Variants in COL25A1 observed in about 807,000 individuals in gnomAD.
COL25A1 encodes collagen type XXV alpha 1 chain, also known as collagen alpha-1(XXV) chain.
COL25A1 carries 103 observed loss-of-function variants against 128.4 expected under a neutral mutation model. The ratio of observed to expected loss-of-function variants is 0.80; its 90% CI spans 0.68 to 0.94. The LOEUF (loss-of-function observed/expected upper bound fraction) is 0.94. Ranked by LOEUF, COL25A1 falls within the 40% of genes least tolerant of loss-of-function variation. The probability of loss-of-function intolerance (pLI) is 0.00; values close to 1 mark genes in which losing one functional copy is unlikely to be tolerated. For missense variants in COL25A1, 745 were observed against 840.0 expected, an observed-to-expected ratio of 0.89 and a Z score of 1.40; for synonymous variants, 279 against 277.2, an observed-to-expected ratio of 1.01 and a Z score of -0.06.
intron 3 of COL25A1, among the ~76,000 whole-genome samples, chr4:109,075,037 A>G (rs1313040674): frequency 6.6e-6 from 1 of 152,196 alleles, no homozygotes; most frequent in Non-Finnish European, 1.5e-5. Context: ...AATTTCACCA[A>G]AATAGGTTAT....
At chr4:109,256,496 T>A (rs143343435) in intron 3 of COL25A1, among the ~76,000 whole-genome samples, 1 of 152,188 alleles carries the variant, frequency 6.6e-6, no homozygotes, top group Non-Finnish European at 1.5e-5. Flanking sequence ...AAGGGTTTTT[T>A]AATTTATTTT....
At chr4:109,136,328 G>A (rs562059808) in intron 3 of COL25A1, among the ~76,000 whole-genome samples, 5 of 152,264 alleles carry the variant, frequency 3.3e-5, no homozygotes, top group South Asian at 2.1e-4. Flanking sequence ...AAGCCTGGGA[G>A]GCGGAGGTTG....
At chr4:108,973,144 G>A (rs1163418569) in intron 8 of COL25A1, among the ~76,000 whole-genome samples, 1 of 152,188 alleles carries the variant, frequency 6.6e-6, no homozygotes, top group Non-Finnish European at 1.5e-5. Flanking sequence ...GACATGTCAT[G>A]TGAAATAATC....
chr4:109,107,035 T>C lies in COL25A1; in HGVS notation c.368-56856A>G, dbSNP rs540861195. On this transcript the variant is annotated intron_variant, in intron 3 of 37. Coordinates refer to ENST00000399132, the MANE Select transcript of COL25A1 (RefSeq NM_198721.4). ...TCTTCCTCCTCAGCCTCCCGAAGTG[T>C]TGGGATTACAGGCATGAGCCACACG... Among the ~76,000 whole-genome samples, 5 of 152,284 alleles carry C rather than the reference T, an allele frequency of 3.3e-5. No homozygotes were observed. In the South Asian group the frequency reaches 6.2e-4, roughly 19 times the overall value.
Position 108,860,934 on chromosome 4 carries a change from C to T in COL25A1, c.1235G>A (p.Gly412Glu), listed in dbSNP as rs757817829. 1 of 1,613,744 alleles carries T rather than the reference C, an allele frequency of 6.2e-7. No individual in the cohort carries two copies. The highest frequency in any genetic ancestry group is 8.5e-7 in the Non-Finnish European group (1 of 1,179,758). The stretch of plus-strand genomic sequence containing the variant: ...GATGAGAGGAACACTCACCCTTGGT[C>T]CCTGAGCTCCAGAGTCCCCTTTTTC... ...RGEKGDSGAQ[G>E]PRGPPGQKGD... The change falls in exon 23 of 38, where the codon GGA becomes GAA. Residue 412 changes from glycine (G) to glutamate (E), a missense_variant. Physicochemically the swap from Gly to Glu is moderately conservative, Grantham distance 98 (BLOSUM62 -2). Around this residue, in one of 3 missense-constraint regions of COL25A1, gnomAD observed 387 missense variants for 441.9 expected, o/e 0.88. Transcript: ENST00000399132.
intron 26 of COL25A1, among the ~76,000 whole-genome samples, chr4:108,850,988 G>C (rs1040600468): frequency 6.6e-6 from 1 of 152,072 alleles, no homozygotes; most frequent in Admixed American, 6.6e-5. Flanking sequence ...AATGAGATAT[G>C]TATTTAGCTT....
In COL25A1 at chr4:108,941,420, G is replaced by A. The variant is rs527482934; in HGVS notation, c.510C>T (p.Ile170=). Reference sequence around the variant, plus strand: ...GATCAGCAGAGAGAAACCCATGATTGATTTTAGGAAACACCATCTGATCAG... The same window carrying A: ...GATCAGCAGAGAGAAACCCATGATTAATTTTAGGAAACACCATCTGATCAG... ...DQGPRMVFPK[I]NHGFLSADQQ... is the part of the protein sequence containing the mutation. The change falls in exon 9 of 38, where the codon ATC becomes ATT. Residue 170 remains isoleucine, a synonymous_variant. Coordinates refer to ENST00000399132, the MANE Select transcript of COL25A1 (RefSeq NM_198721.4). The A allele has an allele frequency of 6.2e-7, 1 of 1,613,928 alleles. No homozygotes were observed.
intron 5 of COL25A1, among the ~76,000 whole-genome samples, chr4:109,033,926 A>G (rs1426109684): frequency 6.6e-6 from 1 of 152,182 alleles, no homozygotes. Flanking sequence ...ATTAAAAAAT[A>G]GATTCCCAAA....
intron 6 of COL25A1, among the ~76,000 whole-genome samples, chr4:109,009,940 C>T (rs577396478): frequency 7.6e-4 from 115 of 152,262 alleles, no homozygotes; most frequent in African/African-American, 2.6e-3. Flanking sequence ...CAATATCTGT[C>T]TATAATGAAT....
At chr4:109,074,115 G>T (rs1288130188) in intron 3 of COL25A1, among the ~76,000 whole-genome samples, 2 of 152,124 alleles carry the variant, frequency 1.3e-5, no homozygotes, top group Non-Finnish European at 2.9e-5. Flanking sequence ...ATGCAACCTA[G>T]ATCCCTCACA....
chr4:109,050,781 A>G (rs1760908448), intron 3 of COL25A1, among the ~76,000 whole-genome samples: 1 of 152,176 alleles, frequency 6.6e-6, no homozygotes, highest in Non-Finnish European at 1.5e-5. Flanking sequence ...TTAGGTAGTA[A>G]TTATAGGCCT....
intron 3 of COL25A1, among the ~76,000 whole-genome samples, chr4:109,183,183 A>G (rs1432105381): frequency 7.1e-6 from 1 of 139,990 alleles, no homozygotes; most frequent in East Asian, 1.9e-4. Flanking sequence ...AACACATTAA[A>G]GGAAATTTTA....
chr4:109,227,929 G>A (rs771166437), intron 3 of COL25A1, among the ~76,000 whole-genome samples: 2 of 152,098 alleles, frequency 1.3e-5, no homozygotes, highest in Non-Finnish European at 1.5e-5. Flanking sequence ...ACATTTGAAC[G>A]CCTCAGAACC....
chr4:108,872,495 T>C (rs114042811), intron 19 of COL25A1, among the ~76,000 whole-genome samples: 5,369 of 152,276 alleles, frequency 0.035, 136 homozygotes, highest in Middle Eastern at 0.068. Context: ...AACTACCACT[T>C]GTGGGGTTTA....
At chr4:109,039,088 C>T (rs767732125) in intron 5 of COL25A1, among the ~76,000 whole-genome samples, 1 of 152,074 alleles carries the variant, frequency 6.6e-6, no homozygotes, top group Non-Finnish European at 1.5e-5. Context: ...CTAAATCCAC[C>T]CCAGTCTCTA....
Position 108,852,256 on chromosome 4 carries a change from G to C in COL25A1, c.1369C>G (p.Gln457Glu), listed in dbSNP as rs777261506. 1.6e-5 allele frequency: 25 copies of C among 1,597,278 alleles called. No individual in the cohort carries two copies. Among genetic ancestry groups the C allele is most frequent in the Non-Finnish European group, 1.7e-6 (2 of 1,174,810 alleles). The change falls in exon 26 of 38, where the codon CAA (glutamine) becomes GAA (glutamate). Residue 457 changes from glutamine to glutamate, a missense_variant. Gln to Glu is a conservative substitution (Grantham distance 29, BLOSUM62 2). Around this residue, in one of 3 missense-constraint regions of COL25A1, gnomAD observed 387 missense variants for 441.9 expected, o/e 0.88. Transcript: ENST00000399132. ...ATAACCTTTGGCCCTTGTAGTCCTT[G>C]AGGTCCAGGAGGTCCAGGGGGACCC... ...VTGPPGPPGP[Q>E]GLQGPKGEQG...
intron 3 of COL25A1, among the ~76,000 whole-genome samples, chr4:109,183,841 A>C (rs1415671592): frequency 2.0e-5 from 3 of 152,010 alleles, no homozygotes; most frequent in Admixed American, 2.0e-4. Flanking sequence ...TCCAAGTTGA[A>C]AGGTAAAGAA....
chr4:108,960,159 A>G (rs2125966083), intron 8 of COL25A1, among the ~76,000 whole-genome samples: 1 of 151,128 alleles, frequency 6.6e-6, no homozygotes, highest in Admixed American at 6.6e-5. Flanking sequence ...AGAAAATGAA[A>G]TAATGTGTGT....
chr4:108,868,270 T>C (rs1738186736), intron 20 of COL25A1, among the ~76,000 whole-genome samples: 1 of 152,130 alleles, frequency 6.6e-6, no homozygotes, highest in African/African-American at 2.4e-5. Context: ...TTCACCATCC[T>C]GTTGTCTTGC....
Sources: allele counts gnomAD v4.1 joint callset (sites outside exome capture counted in the v4.1 genomes callset), GRCh38; gene constraint gnomAD v4.1.1; regional missense constraint gnomAD v4.1.1; transcripts MANE v1.5; gene names NCBI Gene and HGNC (gene_info 2026-07-23, HGNC 2026-07-21).